SRGAP3: variants seen among roughly 807,000 people sequenced by gnomAD.
SRGAP3 encodes SLIT-ROBO Rho GTPase activating protein 3.
A neutral mutation model predicts 121.1 loss-of-function variants in SRGAP3; 39 were observed. That is an observed-to-expected ratio of 0.32 (90% CI 0.25 to 0.42). The LOEUF is 0.42. Ranked by LOEUF, SRGAP3 falls within the 10% of genes least tolerant of loss-of-function variation. The pLI is 1.00. For missense variants in SRGAP3, 1,213 were observed against 1,470.6 expected (o/e 0.82, Z 2.86); for synonymous variants, 601 against 570.0 (o/e 1.05, Z -0.77).
intron 3 of SRGAP3, among the ~76,000 whole-genome samples, chr3:9,281,341 T>G (rs1321857629): frequency 6.6e-6 from 1 of 152,204 alleles, no homozygotes. Context: ...TGATCCCATT[T>G]GTTTTACAGA....
chr3:9,147,434 G>A (rs905263832), intron 1 of SRGAP3, among the ~76,000 whole-genome samples: 2 of 152,108 alleles, frequency 1.3e-5, no homozygotes, highest in African/African-American at 4.8e-5. Flanking sequence ...AGCAGCCTAG[G>A]ACTGGGAAAC....
chr3:9,019,617 A>T (rs1236421598), intron 14 of SRGAP3, among the ~76,000 whole-genome samples: 2 of 152,188 alleles, frequency 1.3e-5, no homozygotes, highest in African/African-American at 2.4e-5. Context: ...AGAACTGGAA[A>T]CTCATCCTTG....
chr3:9,289,433 G>T (rs117829020), intron 3 of SRGAP3, among the ~76,000 whole-genome samples: 2,728 of 152,182 alleles, frequency 0.018, 45 homozygotes, highest in South Asian at 0.085. Flanking sequence ...CTTGAGATCT[G>T]GGAAAAGACA....
chr3:9,353,546 C>A (rs965451046), intron 1 of SRGAP3, among the ~76,000 whole-genome samples: 4 of 152,234 alleles, frequency 2.6e-5, no homozygotes, highest in African/African-American at 9.6e-5. Context: ...AGTCCACCAA[C>A]AAGCTCTCAC....
intron 1 of SRGAP3, among the ~76,000 whole-genome samples, chr3:9,130,310 A>T (rs1157880249): frequency 6.6e-6 from 1 of 152,238 alleles, no homozygotes; most frequent in Non-Finnish European, 1.5e-5. Flanking sequence ...ATCCAAGGTC[A>T]CACGTCGTTC....
intron 18 of SRGAP3, among the ~76,000 whole-genome samples, chr3:8,999,110 A>G (rs772208736): frequency 6.6e-6 from 1 of 152,258 alleles, no homozygotes; most frequent in Non-Finnish European, 1.5e-5. Flanking sequence ...TGTACCAGGT[A>G]AAAACCCTGT....
intron 3 of SRGAP3, among the ~76,000 whole-genome samples, chr3:9,280,879 A>G (rs1468006633): frequency 3.3e-5 from 5 of 152,334 alleles, no homozygotes; most frequent in East Asian, 1.9e-4. Context: ...AGCCACTCCA[A>G]TAAGACTAAC....
At chr3:9,181,398 A>T (rs115231122) in intron 1 of SRGAP3, among the ~76,000 whole-genome samples, 1 of 152,210 alleles carries the variant, frequency 6.6e-6, no homozygotes, top group African/African-American at 2.4e-5. Flanking sequence ...CAAGTTTATT[A>T]TCTCACCGTT....
intron 3 of SRGAP3, among the ~76,000 whole-genome samples, chr3:9,324,774 G>A (rs185820371): frequency 8.6e-5 from 13 of 151,814 alleles, no homozygotes; most frequent in South Asian, 4.1e-4. Flanking sequence ...TGGCTAACAC[G>A]GTGAAACTCC....
intron 2 of SRGAP3, among the ~76,000 whole-genome samples, chr3:9,328,509 G>A (rs1249606832): frequency 6.6e-6 from 1 of 152,128 alleles, no homozygotes; most frequent in Non-Finnish European, 1.5e-5. Flanking sequence ...CTTTAATAAA[G>A]TCCTTTTAAA....
intron 3 of SRGAP3, among the ~76,000 whole-genome samples, chr3:9,297,145 T>C (rs944234597): frequency 1.3e-5 from 2 of 152,140 alleles, no homozygotes; most frequent in African/African-American, 4.8e-5. Context: ...CCTTTCACTG[T>C]CCTTCCAAAA....
chr3:9,259,623 C>T (rs1954210974), intron 3 of SRGAP3, among the ~76,000 whole-genome samples: 1 of 152,070 alleles, frequency 6.6e-6, no homozygotes, highest in Admixed American at 6.5e-5. Context: ...TTTGTTTGTT[C>T]ACTTAATGAC....
intron 1 of SRGAP3, among the ~76,000 whole-genome samples, chr3:9,174,996 T>C (rs542588776): frequency 5.1e-4 from 77 of 152,150 alleles, no homozygotes; most frequent in African/African-American, 1.8e-3. Flanking sequence ...GTGGGGGTGA[T>C]AGCACTCAGT....
intron 3 of SRGAP3, among the ~76,000 whole-genome samples, chr3:9,293,710 T>C (rs1219390580): frequency 6.6e-6 from 1 of 152,116 alleles, no homozygotes; most frequent in Non-Finnish European, 1.5e-5. Context: ...AAGACATACA[T>C]GCAGCCAACA....
At chr3:9,214,117 A>AACACACAC (rs34152705) in intron 1 of SRGAP3, among the ~76,000 whole-genome samples, 1 of 133,806 alleles carries the variant, frequency 7.5e-6, no homozygotes, top group Non-Finnish European at 1.7e-5. Flanking sequence ...ACCCACCTCC[A>AACACACAC]ACACACACAC....
At position 9,081,441 on chromosome 3, in the gene SRGAP3, C is replaced by A. The variant is rs182199356; in HGVS notation, c.424-1354G>T. 2.0e-4 allele frequency among the ~76,000 whole-genome samples: 30 copies of A among 152,340 alleles called. No homozygotes were observed. In the East Asian group the frequency reaches 3.1e-3, roughly 16 times the overall value. ...TTCCCCCTTTGAGCCTCAGCTACCTCACCTATCAAATAAAAAGCTTAAACT... is the reference window on the plus strand; with the variant it reads ...TTCCCCCTTTGAGCCTCAGCTACCTAACCTATCAAATAAAAAGCTTAAACT... On this transcript the variant is annotated intron_variant, in intron 3 of 21. Coordinates refer to ENST00000383836, the MANE Select transcript of SRGAP3 (RefSeq NM_014850.4).
At chr3:9,030,748 T>C (rs1287828605) in intron 12 of SRGAP3, among the ~76,000 whole-genome samples, 2 of 152,232 alleles carry the variant, frequency 1.3e-5, no homozygotes, top group African/African-American at 2.4e-5. Context: ...AGTTGATTCC[T>C]TCCAAGTATC....
At chr3:9,111,311 A>G (rs559664006) in intron 2 of SRGAP3, among the ~76,000 whole-genome samples, 1 of 152,322 alleles carries the variant, frequency 6.6e-6, no homozygotes, top group South Asian at 2.1e-4. Flanking sequence ...AGTGTCCCCA[A>G]GGAAGAGGTC....
intron 12 of SRGAP3, among the ~76,000 whole-genome samples, chr3:9,029,363 G>T (rs1944367165): frequency 6.6e-6 from 1 of 152,170 alleles, no homozygotes; most frequent in Non-Finnish European, 1.5e-5. Context: ...CTTCAAAATT[G>T]GCTCTTATAA....
Sources: gnomAD v4.1 joint callset for allele counts (sites outside exome capture counted in the v4.1 genomes callset) on GRCh38, gnomAD v4.1.1 for gene constraint, MANE v1.5 for transcripts, NCBI Gene and HGNC (gene_info 2026-07-23, HGNC 2026-07-21) for gene names.